AGR3: variants seen among roughly 807,000 people sequenced by gnomAD.
AGR3 encodes anterior gradient 3, protein disulphide isomerase family member.
In AGR3, 37 loss-of-function variants were observed where a neutral mutation model predicts 24.5. The observed-to-expected ratio is 1.51, with a 90% confidence interval of 1.16 to 1.99. The LOEUF is 1.99. Ranked by LOEUF, AGR3 falls within the 30% of genes most tolerant of loss-of-function variation. The pLI is 0.00. For missense variants in AGR3, 228 were observed against 191.1 expected, an observed-to-expected ratio of 1.19 and a Z score of -1.14; for synonymous variants, 75 against 61.6, an observed-to-expected ratio of 1.22 and a Z score of -1.02.
At chr7:16,860,615 T>C (rs1274725048) in intron 6 of AGR3, 32 bp from the exon 7 acceptor site, 1 of 1,447,560 alleles carries the variant, frequency 6.9e-7, no homozygotes, top group Non-Finnish European at 9.7e-7. Context: ...CACGAAAGTA[T>C]AATTTAGCAT....
At chr7:16,875,744 T>G (rs1395082760) in intron 2 of AGR3, among the ~76,000 whole-genome samples, 4 of 149,776 alleles carry the variant, frequency 2.7e-5, no homozygotes, top group African/African-American at 7.4e-5. Flanking sequence ...TTGTTTTTTG[T>G]TTTTTTTTGC....
In AGR3 at chr7:16,873,819, A is replaced by G. The variant is rs1781932198; in HGVS notation, c.134T>C (p.Val45Ala). The part of the protein sequence containing the change: ...SRGWGDDITW[V>A]QTYEEGLFYA... ...AAAGAGACCTTCTTCATAAGTTTGTACCCAAGTGATGTCATCTCCCCATCC... is the reference window on the plus strand; with the variant it reads ...AAAGAGACCTTCTTCATAAGTTTGTGCCCAAGTGATGTCATCTCCCCATCC... Residue 45 changes from valine (V) to alanine (A), a missense_variant, in exon 3 of 8, where the codon GTA becomes GCA. Physicochemically the swap from Val to Ala is moderately conservative, Grantham distance 64 (BLOSUM62 0). Coordinates refer to ENST00000310398, the MANE Select transcript of AGR3 (RefSeq NM_176813.5). 2 of 1,613,162 alleles carry G rather than the reference A, an allele frequency of 1.2e-6. No homozygotes were observed. The highest frequency in any genetic ancestry group is 1.7e-6 in the Non-Finnish European group (2 of 1,179,366).
At chr7:16,864,560 T>C in intron 3 of AGR3, 1 of 1,404,028 alleles carries the variant, frequency 7.1e-7, no homozygotes, top group Non-Finnish European at 1.0e-6. Flanking sequence ...AGCCTTCCAA[T>C]ATCTTGGATA....
At chr7:16,867,789 G>T (rs62443941) in intron 3 of AGR3, among the ~76,000 whole-genome samples, 1 of 152,094 alleles carries the variant, frequency 6.6e-6, no homozygotes, top group Non-Finnish European at 1.5e-5. Context: ...ATGTTCTCCA[G>T]GTTCTTCTAT....
intron 2 of AGR3, among the ~76,000 whole-genome samples, chr7:16,874,591 A>T (rs1414973431): frequency 6.6e-6 from 1 of 152,170 alleles, no homozygotes; most frequent in South Asian, 2.1e-4. Flanking sequence ...TACGAATGAG[A>T]GAGATTGAAT....
chr7:16,879,112 A>G (rs185106804), intron 1 of AGR3, among the ~76,000 whole-genome samples: 3 of 152,382 alleles, frequency 2.0e-5, no homozygotes, highest in East Asian at 3.9e-4. Context: ...ATGAATAAAT[A>G]TTGCTTAAAA....
chr7:16,859,375 C>A, downstream of AGR3: 1 of 470,604 alleles, frequency 2.1e-6, no homozygotes, highest in Non-Finnish European at 3.7e-6. Context: ...GCTTTCTTTG[C>A]TACTGATGAG....
intron 3 of AGR3, 132 bp downstream of exon 3, chr7:16,873,648 C>A: frequency 1.5e-6 from 1 of 681,760 alleles, no homozygotes; most frequent in Non-Finnish European, 2.5e-6. Context: ...GATGCATATG[C>A]TAATTACACT....
At chr7:16,875,766 T>A (rs1041997820) in intron 2 of AGR3, among the ~76,000 whole-genome samples, 2 of 152,032 alleles carry the variant, frequency 1.3e-5, no homozygotes, top group Admixed American at 1.3e-4. Context: ...TGATTTAAAA[T>A]CTTAACATTG....
chr7:16,861,577 C>G (rs1781644603), intron 5 of AGR3, 130 bp from the exon 6 acceptor site: 1 of 728,200 alleles, frequency 1.4e-6, no homozygotes, highest in African/African-American at 1.8e-5. Context: ...TCTGTATTAA[C>G]CAATATTTAG....
intron 2 of AGR3, among the ~76,000 whole-genome samples, chr7:16,877,649 G>A (rs1185950216): frequency 6.6e-6 from 1 of 151,838 alleles, no homozygotes; most frequent in Non-Finnish European, 1.5e-5. Flanking sequence ...GGATCACAAG[G>A]TCAGGAGATC....
intron 1 of AGR3, among the ~76,000 whole-genome samples, chr7:16,880,174 C>CTT (rs148378416): frequency 7.7e-5 from 9 of 116,452 alleles, no homozygotes; most frequent in South Asian, 5.6e-4. Flanking sequence ...TCCTTTCTTT[C>CTT]TTTTTTTTTT....
chr7:16,876,625 T>A (rs1416468086), intron 2 of AGR3, among the ~76,000 whole-genome samples: 1 of 152,096 alleles, frequency 6.6e-6, no homozygotes, highest in Non-Finnish European at 1.5e-5. Context: ...CTCTCCATTA[T>A]CTCCCATGTA....
chr7:16,863,745 A>T (rs1185448723), intron 3 of AGR3, among the ~76,000 whole-genome samples: 3 of 151,982 alleles, frequency 2.0e-5, no homozygotes, highest in Non-Finnish European at 4.4e-5. Flanking sequence ...CTATTATATT[A>T]ATATTTTATC....
chr7:16,880,439 G>A (rs939653696), intron 1 of AGR3, among the ~76,000 whole-genome samples: 4 of 150,314 alleles, frequency 2.7e-5, no homozygotes, highest in Non-Finnish European at 5.9e-5. Context: ...GGGATTACAA[G>A]GGTGAGCTAC....
intron 1 of AGR3, among the ~76,000 whole-genome samples, chr7:16,880,142 C>CTT (rs1782081240): frequency 7.5e-6 from 1 of 132,782 alleles, no homozygotes; most frequent in Non-Finnish European, 1.7e-5. Context: ...TTCTCTCTCT[C>CTT]TTTCTTTCTT....
chr7:16,864,126 G>A (rs749338599), intron 3 of AGR3: 13 of 469,416 alleles, frequency 2.8e-5, no homozygotes, highest in Admixed American at 1.1e-4. Context: ...TTAGTTTTTC[G>A]TGATGAAAGA....
At chr7:16,867,109 A>T (rs1781773476) in intron 3 of AGR3, among the ~76,000 whole-genome samples, 1 of 152,114 alleles carries the variant, frequency 6.6e-6, no homozygotes. Context: ...CCCTATTCCA[A>T]GCATTTAAAG....
chr7:16,865,736 G>T, intron 3 of AGR3: 2 of 758,394 alleles, frequency 2.6e-6, no homozygotes, highest in South Asian at 2.7e-5. Flanking sequence ...TGCTATCTGA[G>T]ACTGATAGGG....
Sources: gnomAD v4.1 joint callset for allele counts (sites outside exome capture counted in the v4.1 genomes callset) on GRCh38, gnomAD v4.1.1 for gene constraint, MANE v1.5 for transcripts, NCBI Gene and HGNC (gene_info 2026-07-23, HGNC 2026-07-21) for gene names.